The following CHSY3 variants were observed in gnomAD, a reference collection of about 807,000 sequenced individuals.
The protein encoded by CHSY3 is N-acetylgalactosaminyl-proteoglycan 3-beta-glucuronosyltransferase 3.
A neutral mutation model predicts 67.2 loss-of-function variants in CHSY3; 35 were observed. That is an observed-to-expected ratio of 0.52 (90% CI 0.40 to 0.69). CHSY3 has a LOEUF of 0.69. Ranked by LOEUF, CHSY3 falls within the 30% of genes least tolerant of loss-of-function variation. CHSY3 has a pLI of 0.00. For missense variants in CHSY3, 1,069 were observed against 1,138.5 expected (o/e 0.94, Z 0.88); for synonymous variants, 474 against 434.7 (o/e 1.09, Z -1.12).
At chr5:129,964,251 C>T (rs1762412226) in intron 2 of CHSY3, among the ~76,000 whole-genome samples, 1 of 151,782 alleles carries the variant, frequency 6.6e-6, no homozygotes, top group Non-Finnish European at 1.5e-5. Flanking sequence ...CCTGAATACC[C>T]AAGGATACAC....
At chr5:130,031,290 G>A (rs932031351) in intron 2 of CHSY3, among the ~76,000 whole-genome samples, 1 of 151,948 alleles carries the variant, frequency 6.6e-6, no homozygotes, top group Non-Finnish European at 1.5e-5. Context: ...GACTCTAATT[G>A]TCTTTATTCA....
At chr5:129,923,800 G>A (rs1169652128) in intron 2 of CHSY3, among the ~76,000 whole-genome samples, 1 of 151,806 alleles carries the variant, frequency 6.6e-6, no homozygotes, top group Non-Finnish European at 1.5e-5. Context: ...TATGAGGGCA[G>A]ATATCATGTA....
intron 2 of CHSY3, among the ~76,000 whole-genome samples, chr5:130,010,232 C>T (rs1011513892): frequency 2.0e-5 from 3 of 152,016 alleles, no homozygotes; most frequent in Admixed American, 6.6e-5. Context: ...CACACTCAAC[C>T]ATAAAGCAAT....
In CHSY3 at chr5:130,185,416, A is replaced by C. The variant is rs757705405; in HGVS notation, c.2274A>C (p.Gly758=). 1 of 1,613,642 alleles carries C rather than the reference A, an allele frequency of 6.2e-7. No individual in the cohort carries two copies. The highest frequency in any genetic ancestry group is 1.1e-5 in the South Asian group (1 of 91,070). The change falls in exon 3 of 3, where the codon GGA becomes GGC. Residue 758 remains glycine (G), a synonymous_variant. Coordinates refer to ENST00000305031, the MANE Select transcript of CHSY3 (RefSeq NM_175856.5). The part of the protein sequence containing the change: ...SQYDPKVTNG[G]NPPTDDYFIF... ...ATGACCCAAAGGTAACAAACGGGGGAAATCCTCCCACTGATGATTACTTCA... is the reference window on the plus strand; with the variant it reads ...ATGACCCAAAGGTAACAAACGGGGGCAATCCTCCCACTGATGATTACTTCA...
intron 2 of CHSY3, among the ~76,000 whole-genome samples, chr5:129,962,820 AG>A (rs1436032229): frequency 1.3e-5 from 2 of 152,150 alleles, no homozygotes; most frequent in East Asian, 3.9e-4. Flanking sequence ...TAACTCCAGC[AG>A]AAAGAGCAGA....
chr5:130,135,411 A>T (rs1768630294), intron 2 of CHSY3, among the ~76,000 whole-genome samples: 1 of 152,130 alleles, frequency 6.6e-6, no homozygotes, highest in South Asian at 2.1e-4. Context: ...TGCCAAGTGG[A>T]GTCACTGAAA....
intron 2 of CHSY3, among the ~76,000 whole-genome samples, chr5:129,950,339 A>G (rs1418809303): frequency 6.6e-6 from 1 of 152,154 alleles, no homozygotes; most frequent in East Asian, 1.9e-4. Flanking sequence ...TGAAAAACTT[A>G]GTTTTTCCTG....
intron 2 of CHSY3, among the ~76,000 whole-genome samples, chr5:129,941,048 G>C (rs1447503739): frequency 6.6e-6 from 1 of 151,922 alleles, no homozygotes; most frequent in Non-Finnish European, 1.5e-5. Flanking sequence ...GGTAGAGCCT[G>C]TCTCTACAAA....
At chr5:130,131,342 C>T (rs1018257123) in intron 2 of CHSY3, among the ~76,000 whole-genome samples, 1 of 152,076 alleles carries the variant, frequency 6.6e-6, no homozygotes, top group Non-Finnish European at 1.5e-5. Flanking sequence ...GCAGTAGCCT[C>T]CTGACTCTCT....
At chr5:130,127,483 C>G (rs1040369353) in intron 2 of CHSY3, among the ~76,000 whole-genome samples, 2 of 152,148 alleles carry the variant, frequency 1.3e-5, no homozygotes, top group Admixed American at 1.3e-4. Flanking sequence ...GTTGTTTCTG[C>G]TAAACCCTAA....
At chr5:130,180,585 G>T (rs1417731865) in intron 2 of CHSY3, among the ~76,000 whole-genome samples, 1 of 152,056 alleles carries the variant, frequency 6.6e-6, no homozygotes, top group East Asian at 1.9e-4. Flanking sequence ...TGGGCACGGT[G>T]CCTTATGCCT....
At chr5:130,162,269 A>T (rs571895007) in intron 2 of CHSY3, among the ~76,000 whole-genome samples, 10 of 152,210 alleles carry the variant, frequency 6.6e-5, no homozygotes, top group African/African-American at 2.4e-4. Context: ...TAAATAATGT[A>T]TGATATATAA....
chr5:130,058,397 G>A lies in CHSY3; in HGVS notation c.1087-125832G>A, dbSNP rs186997990. The stretch of plus-strand genomic sequence containing the variant: ...AATCCCAGCACTTTGGGAGGCTGAG[G>A]CAGGTGGATCACCTGAGGTCAGGGG... On this transcript the variant is annotated intron_variant, in intron 2 of 2. Coordinates refer to ENST00000305031, the MANE Select transcript of CHSY3 (RefSeq NM_175856.5). Among the ~76,000 whole-genome samples the A allele has an allele frequency of 1.3e-3, 205 of 152,286 alleles. 1 individual carries two copies. The highest frequency in any genetic ancestry group is 4.8e-3 in the African/African-American group (199 of 41,570).
chr5:130,052,809 A>T (rs1276611885), intron 2 of CHSY3, among the ~76,000 whole-genome samples: 1 of 152,186 alleles, frequency 6.6e-6, no homozygotes, highest in Non-Finnish European at 1.5e-5. Context: ...TACAAATGAA[A>T]AGCTGAAGCA....
intron 1 of CHSY3, among the ~76,000 whole-genome samples, chr5:129,906,299 C>T (rs1466996272): frequency 1.3e-5 from 2 of 152,000 alleles, no homozygotes; most frequent in Non-Finnish European, 2.9e-5. Context: ...AGCCGTCCCC[C>T]ATCCCCCCGC....
intron 2 of CHSY3, among the ~76,000 whole-genome samples, chr5:130,152,528 G>C (rs892776170): frequency 2.0e-5 from 3 of 151,918 alleles, no homozygotes; most frequent in African/African-American, 7.3e-5. Flanking sequence ...TATCAGTTTT[G>C]TGAGGGTGAG....
At chr5:129,921,662 C>T (rs1481663240) in intron 2 of CHSY3, among the ~76,000 whole-genome samples, 1 of 152,140 alleles carries the variant, frequency 6.6e-6, no homozygotes, top group East Asian at 1.9e-4. Context: ...CATGTTGTCA[C>T]AGATGAGAGA....
chr5:130,115,530 A>G (rs1325655137), intron 2 of CHSY3, among the ~76,000 whole-genome samples: 2 of 152,128 alleles, frequency 1.3e-5, no homozygotes, highest in African/African-American at 2.4e-5. Flanking sequence ...TGATCATTCT[A>G]CTAGAGCTAG....
At chr5:129,959,213 A>G (rs1274140134) in intron 2 of CHSY3, among the ~76,000 whole-genome samples, 2 of 152,054 alleles carry the variant, frequency 1.3e-5, no homozygotes, top group East Asian at 1.9e-4. Context: ...CTTCATTTTT[A>G]GATACTTTTG....
Sources: allele counts gnomAD v4.1 joint callset (sites outside exome capture counted in the v4.1 genomes callset), GRCh38; gene constraint gnomAD v4.1.1; transcripts MANE v1.5; gene names NCBI Gene and HGNC (gene_info 2026-07-23, HGNC 2026-07-21).